DCAF6: variants seen among roughly 807,000 people sequenced by gnomAD.
DCAF6 encodes DDB1 and CUL4 associated factor 6, also known as DDB1- and CUL4-associated factor 6.
DCAF6 carries 54 observed loss-of-function variants against 125.1 expected under a neutral mutation model. The observed-to-expected ratio is 0.43, with a 90% CI of 0.35 to 0.54. The LOEUF (loss-of-function observed/expected upper bound fraction) is 0.54, where lower values mean the gene tolerates loss of function less well. Ranked by LOEUF, DCAF6 falls within the 20% of genes least tolerant of loss-of-function variation. DCAF6 has a pLI of 0.01. For missense variants in DCAF6, 934 were observed against 1,161.7 expected (o/e 0.80, Z 2.85); for synonymous variants, 371 against 390.4 (o/e 0.95, Z 0.58).
chr1:168,006,103 G>A (rs1683295862), intron 10 of DCAF6, among the ~76,000 whole-genome samples: 1 of 152,080 alleles, frequency 6.6e-6, no homozygotes. Context: ...CTTACATTCA[G>A]CTTCCACTGA....
chr1:167,916,268 G>A, the DCAF6 span, among the ~76,000 whole-genome samples: 6 of 152,296 alleles, frequency 3.9e-5, no homozygotes, highest in Admixed American at 1.3e-4. Context: ...GTGCAAAGGC[G>A]CGATCTCAGC....
At chr1:167,979,326 AAT>A (rs1491578917) in intron 4 of DCAF6, among the ~76,000 whole-genome samples, 14 of 152,106 alleles carry the variant, frequency 9.2e-5, no homozygotes, top group African/African-American at 3.4e-4. Flanking sequence ...ATTAGCATAG[AAT>A]TTTTTTTTTT....
intron 12 of DCAF6, among the ~76,000 whole-genome samples, chr1:168,025,180 T>G (rs1482308709): frequency 6.6e-6 from 1 of 152,170 alleles, no homozygotes; most frequent in Admixed American, 6.5e-5. Context: ...TCACATACAA[T>G]AATTTTCATA....
chr1:167,886,583 AC>A, the DCAF6 span, among the ~76,000 whole-genome samples: 1 of 152,182 alleles, frequency 6.6e-6, no homozygotes, highest in Admixed American at 6.5e-5. Flanking sequence ...TAGACCTAAA[AC>A]CATAAAAACC....
At chr1:167,901,645 C>CTCAATG in the DCAF6 span, 1 of 1,613,516 alleles carries the variant, frequency 6.2e-7, no homozygotes, top group African/African-American at 1.3e-5. Flanking sequence ...AGGATTTATT[C>CTCAATG]CTTCTCAAAT....
At chr1:168,030,966 G>A (rs1288917115) in intron 12 of DCAF6, among the ~76,000 whole-genome samples, 1 of 152,148 alleles carries the variant, frequency 6.6e-6, no homozygotes, top group Admixed American at 6.5e-5. Context: ...AAGCATGGGC[G>A]GGGACGTGTA....
intron 1 of DCAF6, among the ~76,000 whole-genome samples, chr1:167,945,824 A>G (rs1246748903): frequency 6.7e-6 from 1 of 149,034 alleles, no homozygotes; most frequent in Non-Finnish European, 1.5e-5. Flanking sequence ...ATTTGTAGCT[A>G]TTGTAAATGG....
rs1319223216 is a variant in DCAF6, at chr1:167,987,533, T to G, written c.477T>G (p.Ser159=). The part of the protein sequence containing the change: ...TVPNDPYTFL[S]CGEDGTVRWF... Reference sequence around the variant, plus strand: ...CCAATGACCCTTACACTTTTCTCTCTTGTGGTGAAGATGGAACTGTTAGGT... The same window carrying G: ...CCAATGACCCTTACACTTTTCTCTCGTGTGGTGAAGATGGAACTGTTAGGT... Residue 159 remains serine, a synonymous_variant, in exon 5 of 22, where the codon TCT becomes TCG. Coordinates refer to ENST00000367840, the MANE Select transcript of DCAF6 (RefSeq NM_001198956.2). 1 of 1,606,702 alleles carries G rather than the reference T, an allele frequency of 6.2e-7. No homozygotes were observed. The highest frequency in any genetic ancestry group is 1.7e-5 in the Admixed American group (1 of 60,002).
the DCAF6 span, among the ~76,000 whole-genome samples, chr1:167,885,702 G>T: frequency 1.8e-4 from 28 of 151,874 alleles, no homozygotes; most frequent in Non-Finnish European, 3.5e-4. Context: ...TGCAACCTCC[G>T]CCTCCTGGGT....
At chr1:168,066,512 C>A (rs1203006676) in intron 20 of DCAF6, 47 bp downstream of exon 20, 11 of 1,294,720 alleles carry the variant, frequency 8.5e-6, no homozygotes, top group Non-Finnish European at 1.1e-5. Context: ...CAATTTGTTC[C>A]TAAAATGCTT....
At chr1:167,986,313 C>T (rs773573179) in intron 4 of DCAF6, among the ~76,000 whole-genome samples, 8 of 152,148 alleles carry the variant, frequency 5.3e-5, no homozygotes, top group South Asian at 4.1e-4. Flanking sequence ...TTTATACTCC[C>T]ATCAGCAATG....
At chr1:167,999,015 G>T (rs960153477) in intron 7 of DCAF6, among the ~76,000 whole-genome samples, 2 of 152,066 alleles carry the variant, frequency 1.3e-5, no homozygotes, top group Non-Finnish European at 2.9e-5. Context: ...TCCATGAGAG[G>T]AATCACTATC....
chr1:168,056,967 T>C (rs1690951702), intron 17 of DCAF6, among the ~76,000 whole-genome samples: 1 of 152,232 alleles, frequency 6.6e-6, no homozygotes, highest in Non-Finnish European at 1.5e-5. Context: ...TCGCCAGCTA[T>C]AATTCTAGTC....
intron 5 of DCAF6, among the ~76,000 whole-genome samples, chr1:167,989,120 G>C (rs554680751): frequency 1.3e-5 from 2 of 152,114 alleles, no homozygotes; most frequent in East Asian, 3.9e-4. Context: ...TAAACATACA[G>C]TTTAATCAGT....
intron 6 of DCAF6, 129 bp downstream of exon 6, chr1:167,991,468 A>T: frequency 2.3e-6 from 2 of 885,498 alleles, no homozygotes; most frequent in Non-Finnish European, 1.6e-6. Flanking sequence ...AATATGGATT[A>T]TTATAAAAAA....
At chr1:167,901,967 C>A in the DCAF6 span, 11 of 1,609,908 alleles carry the variant, frequency 6.8e-6, no homozygotes, top group Non-Finnish European at 9.4e-6. Flanking sequence ...GAAGCACAGG[C>A]ACCTCAGCAC....
At chr1:167,899,658 C>T in the DCAF6 span, 19 of 1,606,290 alleles carry the variant, frequency 1.2e-5, no homozygotes, top group Non-Finnish European at 1.5e-5. Flanking sequence ...TAGGTTTGCA[C>T]AAGAAGTTCT....
upstream of DCAF6, among the ~76,000 whole-genome samples, chr1:167,932,834 A>T (rs1670948947): frequency 6.6e-6 from 1 of 151,422 alleles, no homozygotes; most frequent in Admixed American, 6.6e-5. Flanking sequence ...AAAAGAAAAG[A>T]AAAGAAAAGA....
Position 167,974,900 on chromosome 1 carries a change from A to T in DCAF6, c.323A>T (p.Asp108Val), listed in dbSNP as rs757838275. 4 of 1,608,024 alleles carry T rather than the reference A, an allele frequency of 2.5e-6. No individual in the cohort carries two copies. The highest frequency in any genetic ancestry group is 3.4e-6 in the Non-Finnish European group (4 of 1,177,246). ...GCAAAGTTCTTACCTTGTACAAATGATAAACAGATTGTATCCTGCTCTGGA... is the reference window on the plus strand; with the variant it reads ...GCAAAGTTCTTACCTTGTACAAATGTTAAACAGATTGTATCCTGCTCTGGA... Reference protein sequence around the residue: ...FSAKFLPCTNDKQIVSCSGDG... With the variant: ...FSAKFLPCTNVKQIVSCSGDG... The change falls in exon 4 of 22, where the codon GAT (aspartate) becomes GTT (valine). Residue 108 changes from aspartate to valine, a missense_variant. This residue lies in a region of DCAF6 where 309 missense variants were observed against 381.2 expected (regional missense o/e 0.81). Transcript: ENST00000367840.
Sources: gnomAD v4.1 joint callset for allele counts (sites outside exome capture counted in the v4.1 genomes callset) on GRCh38, gnomAD v4.1.1 for gene constraint, gnomAD v4.1.1 regional missense constraint, MANE v1.5 for transcripts, NCBI Gene and HGNC (gene_info 2026-07-23, HGNC 2026-07-21) for gene names.